JARID2: variants seen among roughly 807,000 people sequenced by gnomAD.
JARID2 encodes jumonji and AT-rich interaction domain containing 2.
JARID2 carries 21 observed loss-of-function variants against 125.6 expected under a neutral mutation model. That is an observed-to-expected ratio of 0.17 (90% CI 0.12 to 0.24). The LOEUF (loss-of-function observed/expected upper bound fraction) is 0.24. Ranked by LOEUF, JARID2 falls within the 10% of genes least tolerant of loss-of-function variation. JARID2 has a pLI of 1.00. For missense variants in JARID2, 1,303 were observed against 1,639.6 expected, an observed-to-expected ratio of 0.79 and a Z score of 3.55; for synonymous variants, 736 against 661.6, an observed-to-expected ratio of 1.11 and a Z score of -1.73.
Position 15,246,492 on chromosome 6 carries a change from A to G in JARID2, c.-48A>G. 1 of 1,562,974 alleles carries G rather than the reference A, an allele frequency of 6.4e-7. No homozygotes were observed. Among genetic ancestry groups the G allele is most frequent in the Non-Finnish European group, 8.8e-7 (1 of 1,136,546 alleles). The stretch of plus-strand genomic sequence containing the variant: ...TTTTGCAAATTTCTGACGGCTTTAA[A>G]TTCATGAAGCAATTGTCCCCTTTTG... On this transcript the variant is annotated 5_prime_UTR_variant, in exon 1 of 18. Coordinates refer to ENST00000341776, the MANE Select transcript of JARID2 (RefSeq NM_004973.4).
chr6:15,418,864 A>T (rs1766357146), intron 3 of JARID2, among the ~76,000 whole-genome samples: 2 of 152,210 alleles, frequency 1.3e-5, no homozygotes. Context: ...TGATATTCAC[A>T]GCTACATTGT....
intron 1 of JARID2, among the ~76,000 whole-genome samples, chr6:15,297,641 CAGCAACT>C (rs1409560592): frequency 6.6e-6 from 1 of 152,106 alleles, no homozygotes; most frequent in African/African-American, 2.4e-5. Context: ...CGTGCTTGGC[CAGCAACT>C]AGCTTGTTAA....
In JARID2 at chr6:15,416,772, C is replaced by T. The variant is rs568852280; in HGVS notation, c.323+6407C>T. On this transcript the variant is annotated intron_variant, in intron 3 of 17. Transcript: ENST00000341776. ...TAACTTATATTGTTTAGAATGGAAC[C>T]ATTACAGAGACTTTCATCCTGTTCT... is the stretch of plus-strand genomic sequence containing the variant. Among the ~76,000 whole-genome samples the T allele has an allele frequency of 1.4e-4, 22 of 151,854 alleles. No individual in the cohort carries two copies. In the South Asian group the frequency reaches 3.9e-3, roughly 27 times the overall value.
chr6:15,288,574 G>C (rs1761089789), intron 1 of JARID2, among the ~76,000 whole-genome samples: 1 of 152,160 alleles, frequency 6.6e-6, no homozygotes, highest in Non-Finnish European at 1.5e-5. Flanking sequence ...GATCCACAAG[G>C]GTGGGATTTT....
chr6:15,367,538 G>A (rs1049697958), intron 1 of JARID2, among the ~76,000 whole-genome samples: 8 of 152,020 alleles, frequency 5.3e-5, no homozygotes, highest in African/African-American at 1.9e-4. Flanking sequence ...AACATCTCTG[G>A]CTACTAACAC....
At chr6:15,413,841 C>A (rs1471535239) in intron 3 of JARID2, among the ~76,000 whole-genome samples, 1 of 152,120 alleles carries the variant, frequency 6.6e-6, no homozygotes, top group Non-Finnish European at 1.5e-5. Context: ...AGGGCAGATC[C>A]CTCATGATGT....
At chr6:15,309,474 G>C (rs1397463809) in intron 1 of JARID2, among the ~76,000 whole-genome samples, 6 of 152,040 alleles carry the variant, frequency 3.9e-5, no homozygotes, top group Non-Finnish European at 4.4e-5. Flanking sequence ...AAACCAATAG[G>C]GGATTGGTTA....
chr6:15,350,120 G>A (rs771050925), intron 1 of JARID2, among the ~76,000 whole-genome samples: 6 of 152,100 alleles, frequency 3.9e-5, no homozygotes, highest in Non-Finnish European at 8.8e-5. Flanking sequence ...GTTTTAACAC[G>A]CGGCTGGAAT....
intron 7 of JARID2, among the ~76,000 whole-genome samples, chr6:15,499,145 G>C (rs1298792343): frequency 1.3e-5 from 2 of 152,192 alleles, no homozygotes; most frequent in East Asian, 3.8e-4. Flanking sequence ...CAGGGGTACT[G>C]ACCTGTCTGT....
At chr6:15,348,281 G>A (rs900762777) in intron 1 of JARID2, among the ~76,000 whole-genome samples, 1 of 151,914 alleles carries the variant, frequency 6.6e-6, no homozygotes, top group African/African-American at 2.4e-5. Context: ...TAGTAGAGAT[G>A]GGCTTTCACC....
At chr6:15,369,217 G>T in intron 1 of JARID2, 1 of 340,158 alleles carries the variant, frequency 2.9e-6, no homozygotes, top group Non-Finnish European at 6.2e-6. Flanking sequence ...TCACAGTCCG[G>T]GTTAGAGATA....
intron 2 of JARID2, among the ~76,000 whole-genome samples, chr6:15,409,117 A>AT (rs1311849285): frequency 6.6e-6 from 1 of 152,194 alleles, no homozygotes; most frequent in Non-Finnish European, 1.5e-5. Flanking sequence ...ATGTTTATGT[A>AT]TTTTTTAATC....
intron 1 of JARID2, among the ~76,000 whole-genome samples, chr6:15,338,603 G>A (rs988029264): frequency 6.6e-6 from 1 of 152,152 alleles, no homozygotes; most frequent in African/African-American, 2.4e-5. Context: ...TCTCAGGGAA[G>A]GCTGCAAGGG....
chr6:15,381,089 C>A (rs535124580), intron 2 of JARID2, among the ~76,000 whole-genome samples: 1 of 151,420 alleles, frequency 6.6e-6, no homozygotes, highest in Admixed American at 6.6e-5. Flanking sequence ...CGCGGTGGCT[C>A]ACACCTGTAA....
intron 1 of JARID2, among the ~76,000 whole-genome samples, chr6:15,371,069 C>T (rs1335563776): frequency 1.3e-5 from 2 of 152,204 alleles, no homozygotes; most frequent in Non-Finnish European, 2.9e-5. Context: ...TTTGAAACCC[C>T]ATAATCTGGG....
intron 1 of JARID2, among the ~76,000 whole-genome samples, chr6:15,252,446 T>C (rs1759493911): frequency 6.6e-6 from 1 of 152,230 alleles, no homozygotes; most frequent in Non-Finnish European, 1.5e-5. Flanking sequence ...GGACTCCCTG[T>C]CTGCTTCATG....
At position 15,496,492 on chromosome 6, in the gene JARID2, G is replaced by C. The variant is rs771612168; in HGVS notation, c.1267G>C (p.Gly423Arg). Residue 423 changes from glycine (G) to arginine (R), a missense_variant, in exon 7 of 18, where the codon GGG becomes CGG. Physicochemically the swap from Gly to Arg is moderately radical, Grantham distance 125. Around this residue, in one of 11 missense-constraint regions of JARID2, gnomAD observed 651 missense variants for 581.6 expected, o/e 1.12. Coordinates refer to ENST00000341776, the MANE Select transcript of JARID2 (RefSeq NM_004973.4). ...LNPKSCTKEVGGRQLREGLQL... is the reference protein window; with the variant it reads ...LNPKSCTKEVRGRQLREGLQL... ...CCCAAAGTCATGCACTAAGGAGGTGGGGGGGCGGCAGCTGCGGGAGGGCCT... is the reference window on the plus strand; with the variant it reads ...CCCAAAGTCATGCACTAAGGAGGTGCGGGGGCGGCAGCTGCGGGAGGGCCT... The C allele has an allele frequency of 1.2e-6, 2 of 1,610,068 alleles. No homozygotes were observed. Among genetic ancestry groups the C allele is most frequent in the Admixed American group, 3.3e-5 (2 of 59,794 alleles).
chr6:15,361,912 T>TC (rs1561814164), intron 1 of JARID2, among the ~76,000 whole-genome samples: 2 of 148,622 alleles, frequency 1.3e-5, no homozygotes, highest in African/African-American at 2.5e-5. Context: ...TTTTTTTTTT[T>TC]TCCCTGAGAT....
At chr6:15,503,591 G>A (rs1770846540) in intron 8 of JARID2, among the ~76,000 whole-genome samples, 1 of 152,102 alleles carries the variant, frequency 6.6e-6, no homozygotes, top group African/African-American at 2.4e-5. Flanking sequence ...GTGTGTTTGA[G>A]GCCTGTGTCT....
Sources: gnomAD v4.1 joint callset for allele counts (sites outside exome capture counted in the v4.1 genomes callset) on GRCh38, gnomAD v4.1.1 for gene constraint, gnomAD v4.1.1 regional missense constraint, MANE v1.5 for transcripts, NCBI Gene and HGNC (gene_info 2026-07-23, HGNC 2026-07-21) for gene names.